The following ABHD17C variants were observed in gnomAD, a reference collection of about 807,000 sequenced individuals.
ABHD17C encodes abhydrolase domain containing 17C, depalmitoylase, also known as alpha/beta hydrolase domain-containing protein 17C.
Under a neutral mutation model 27.9 loss-of-function variants are expected in ABHD17C, and 11 were observed. The observed-to-expected ratio is 0.39, with a 90% CI of 0.25 to 0.65. ABHD17C has a LOEUF of 0.65. Ranked by LOEUF, ABHD17C falls within the 30% of genes least tolerant of loss-of-function variation. ABHD17C has a pLI of 0.45. For missense variants in ABHD17C, 280 were observed against 470.2 expected (o/e 0.60, Z 3.74); for synonymous variants, 233 against 209.1 (o/e 1.11, Z -0.98).
chr15:80,728,296 G>C (rs1895010844), intron 1 of ABHD17C, among the ~76,000 whole-genome samples: 1 of 152,224 alleles, frequency 6.6e-6, no homozygotes, highest in Non-Finnish European at 1.5e-5. Flanking sequence ...AAACTCACCA[G>C]AATGGTCTCT....
At chr15:80,708,118 C>T (rs1253481423) in intron 1 of ABHD17C, among the ~76,000 whole-genome samples, 1 of 152,100 alleles carries the variant, frequency 6.6e-6, no homozygotes, top group East Asian at 1.9e-4. Context: ...TCACAGAGTC[C>T]TCTGTGGTCC....
rs1894480729 is a variant in ABHD17C, at chr15:80,695,558, G to A, written c.129G>A (p.Thr43=). ...LAFLPPEPTY[T]VLAPEQRGAG... ...TCCTGCCGCCCGAGCCCACCTACACGGTGCTGGCGCCGGAGCAGCGCGGCG... is the reference window on the plus strand; with the variant it reads ...TCCTGCCGCCCGAGCCCACCTACACAGTGCTGGCGCCGGAGCAGCGCGGCG... Residue 43 remains threonine (T), a synonymous_variant, in exon 1 of 3, where the codon ACG becomes ACA. Coordinates refer to ENST00000258884, the MANE Select transcript of ABHD17C (RefSeq NM_021214.2). The surrounding 1 kb of genome is among the most constrained non-coding windows in gnomAD (Gnocchi z 4.3). The A allele has an allele frequency of 3.1e-6, 4 of 1,302,460 alleles. No homozygotes were observed. The Admixed American group carries it at 8.2e-5, about 27-fold the overall frequency. The allele number at this position is 1,302,460 out of a possible 1,614,324, so 80.7% of individuals were successfully genotyped here.
At chr15:80,696,111 G>C (rs1894491011) in intron 1 of ABHD17C, 92 bp downstream of exon 1, 1 of 1,329,476 alleles carries the variant, frequency 7.5e-7, no homozygotes, top group Non-Finnish European at 1.0e-6. Flanking sequence ...TGCCAGGAGA[G>C]GGGCCCCTCC....
intron 1 of ABHD17C, among the ~76,000 whole-genome samples, chr15:80,720,208 T>C (rs959634427): frequency 1.3e-5 from 2 of 152,068 alleles, no homozygotes; most frequent in Non-Finnish European, 1.5e-5. Context: ...CCCTTGTCTT[T>C]TGGAACCTTT....
chr15:80,707,813 G>A (rs569127949), intron 1 of ABHD17C, among the ~76,000 whole-genome samples: 228 of 152,172 alleles, frequency 1.5e-3, no homozygotes, highest in African/African-American at 5.0e-3. Flanking sequence ...TACTGTATTT[G>A]GGGATATCCA....
At chr15:80,747,697 C>G (rs1895309052) in intron 1 of ABHD17C, among the ~76,000 whole-genome samples, 1 of 152,228 alleles carries the variant, frequency 6.6e-6, no homozygotes, top group African/African-American at 2.4e-5. Flanking sequence ...AAACCTGCAT[C>G]TGGGGGCCTC....
intron 1 of ABHD17C, among the ~76,000 whole-genome samples, chr15:80,725,877 C>T (rs948142300): frequency 5.3e-5 from 8 of 151,826 alleles, no homozygotes; most frequent in South Asian, 2.1e-4. Context: ...GAGACCAGCT[C>T]GGTTGGGGAG....
At chr15:80,715,184 C>T (rs775746238) in intron 1 of ABHD17C, among the ~76,000 whole-genome samples, 1 of 152,204 alleles carries the variant, frequency 6.6e-6, no homozygotes. Flanking sequence ...TAAAATTTCT[C>T]CTGAGTCTTT....
At chr15:80,713,933 CACACACAT>C (rs1289582343) in intron 1 of ABHD17C, among the ~76,000 whole-genome samples, 237 of 149,606 alleles carry the variant, frequency 1.6e-3, no homozygotes, top group African/African-American at 4.5e-3. Context: ...CACACACACA[CACACACAT>C]ATATTTATTT....
intron 1 of ABHD17C, among the ~76,000 whole-genome samples, chr15:80,699,543 A>G (rs1466340005): frequency 6.6e-6 from 1 of 152,176 alleles, no homozygotes; most frequent in Non-Finnish European, 1.5e-5. Context: ...CATCCTTTGT[A>G]TGTCTCTACA....
Position 80,749,609 on chromosome 15 carries a change from A to C in ABHD17C, c.687A>C (p.Val229=). The C allele has an allele frequency of 6.2e-7, 1 of 1,613,932 alleles. No individual in the cohort carries two copies. The highest frequency in any genetic ancestry group is 8.5e-7 in the Non-Finnish European group (1 of 1,179,870). The part of the protein sequence containing the change: ...DLASRYECAA[V]ILHSPLMSGL... ...CCTCGAGGTATGAATGCGCAGCGGT[A>C]ATTCTCCATTCCCCTCTGATGTCTG... The change falls in exon 2 of 3, where the codon GTA becomes GTC. Residue 229 remains valine, a synonymous_variant. Coordinates refer to ENST00000258884, the MANE Select transcript of ABHD17C (RefSeq NM_021214.2).
rs141591756 is a variant in ABHD17C at position 80,742,183 on chromosome 15, G to C, written c.591-7330G>C. ...ATTTTTTTTATGGGAGTTGCCTCAC[G>C]TGATTATGGAGGCCAAGTCCATGAT... is the stretch of plus-strand genomic sequence containing the variant. On this transcript the variant is annotated intron_variant, in intron 1 of 2. Transcript: ENST00000258884. Among the ~76,000 whole-genome samples, 341 of 152,200 alleles carry C rather than the reference G, an allele frequency of 2.2e-3. 4 individuals are homozygous for C. The highest frequency in any genetic ancestry group is 7.8e-3 in the African/African-American group (323 of 41,538).
chr15:80,700,618 C>A (rs1894558349), intron 1 of ABHD17C, among the ~76,000 whole-genome samples: 1 of 152,116 alleles, frequency 6.6e-6, no homozygotes, highest in African/African-American at 2.4e-5. Flanking sequence ...TAAACATAGG[C>A]TGGGTGTGGC....
chr15:80,732,227 C>A (rs1895066912), intron 1 of ABHD17C, among the ~76,000 whole-genome samples: 1 of 152,186 alleles, frequency 6.6e-6, no homozygotes, highest in African/African-American at 2.4e-5. Flanking sequence ...TTGCCCCAGA[C>A]TTTTTAGCTG....
intron 1 of ABHD17C, among the ~76,000 whole-genome samples, chr15:80,740,685 GT>G (rs1218741260): frequency 2.6e-5 from 4 of 152,088 alleles, no homozygotes; most frequent in Non-Finnish European, 4.4e-5. Context: ...ATATCAAGAC[GT>G]TTTGTCCCAA....
rs1187764873 is a variant in ABHD17C, at chr15:80,755,031, G to A, written c.*661G>A. 6.6e-6 allele frequency: 1 copy of A among 152,040 alleles called. No individual in the cohort carries two copies. The highest frequency in any genetic ancestry group is 1.9e-4 in the East Asian group (1 of 5,198). 9.4% of individuals were successfully genotyped at this position (152,040 alleles called of 1,614,324 possible). A position where few individuals can be genotyped will look rare whatever the true frequency, so the allele number is the denominator to read the frequency against. On this transcript the variant is annotated 3_prime_UTR_variant, in exon 3 of 3. Transcript: ENST00000258884. ...CCAACAGAGTTTTACTATTTTGATT[G>A]TCTGGTTGGTTTAACAAAGAGCCTA... is the stretch of plus-strand genomic sequence containing the variant.
intron 1 of ABHD17C, 35 bp from the exon 2 acceptor site, chr15:80,749,478 C>A: frequency 6.2e-7 from 1 of 1,602,150 alleles, no homozygotes; most frequent in South Asian, 1.1e-5. Context: ...TTCTTCATAC[C>A]TTAGCTAATG....
At chr15:80,728,089 G>A (rs1895007047) in intron 1 of ABHD17C, among the ~76,000 whole-genome samples, 1 of 152,174 alleles carries the variant, frequency 6.6e-6, no homozygotes, top group Admixed American at 6.5e-5. Context: ...TAGTTTCCTG[G>A]TCTGCGTAAT....
chr15:80,747,417 T>C (rs1043039972), intron 1 of ABHD17C, among the ~76,000 whole-genome samples: 2 of 152,200 alleles, frequency 1.3e-5, no homozygotes, highest in Non-Finnish European at 2.9e-5. Flanking sequence ...AGGATCTTGG[T>C]GGCAGTTGCT....
Sources: gnomAD v4.1 joint callset for allele counts (sites outside exome capture counted in the v4.1 genomes callset) on GRCh38, gnomAD v4.1.1 for gene constraint, Gnocchi (gnomAD v3.1) non-coding constraint, MANE v1.5 for transcripts, NCBI Gene and HGNC (gene_info 2026-07-23, HGNC 2026-07-21) for gene names.